The following HAPSTR1 variants were observed in gnomAD, a reference collection of about 807,000 sequenced individuals.
HAPSTR1 encodes HUWE1-associated protein modifying stress responses 1.
the HAPSTR1 span, among the ~76,000 whole-genome samples, chr16:9,092,745 C>T: frequency 2.6e-5 from 4 of 152,210 alleles, no homozygotes; most frequent in Non-Finnish European, 5.9e-5. Flanking sequence ...CCTCCCTGCC[C>T]CCCCGGTCCT....
chr16:9,107,638 C>G, the HAPSTR1 span: 1 of 152,262 alleles, frequency 6.6e-6, no homozygotes, highest in African/African-American at 2.4e-5. Context: ...ATGATCCAGT[C>G]TTAACCATTG....
the HAPSTR1 span, among the ~76,000 whole-genome samples, chr16:9,113,625 T>G: frequency 2.0e-4 from 30 of 152,280 alleles, no homozygotes; most frequent in South Asian, 5.4e-3. Flanking sequence ...TGATTTTAAT[T>G]ATTGAAGTAG....
At chr16:9,101,662 G>C in the HAPSTR1 span, among the ~76,000 whole-genome samples, 13 of 151,196 alleles carry the variant, frequency 8.6e-5, no homozygotes, top group East Asian at 1.4e-3. Flanking sequence ...TTATTATAAA[G>C]TTCTGGTTGT....
the HAPSTR1 span, chr16:9,107,217 C>G: frequency 2.6e-5 from 4 of 152,312 alleles, no homozygotes; most frequent in East Asian, 7.7e-4. Context: ...AGCAGAATGA[C>G]TCATTGAGCC....
chr16:9,093,373 T>A, the HAPSTR1 span, among the ~76,000 whole-genome samples: 99 of 152,306 alleles, frequency 6.5e-4, no homozygotes, highest in Admixed American at 2.2e-3. Context: ...TGAGAAGCGT[T>A]GAGCTGGAAG....
the HAPSTR1 span, among the ~76,000 whole-genome samples, chr16:9,095,857 A>T: frequency 6.6e-6 from 1 of 150,532 alleles, no homozygotes; most frequent in East Asian, 1.9e-4. Context: ...TCCCCTTTCC[A>T]AAAAAGGAAG....
At chr16:9,111,236 A>G in the HAPSTR1 span, 1 of 152,240 alleles carries the variant, frequency 6.6e-6, no homozygotes, top group African/African-American at 2.4e-5. Flanking sequence ...TGAATGTTGC[A>G]GTCTGCATCT....
At chr16:9,113,900 G>A in the HAPSTR1 span, among the ~76,000 whole-genome samples, 44 of 152,260 alleles carry the variant, frequency 2.9e-4, no homozygotes, top group African/African-American at 1.0e-3. Flanking sequence ...TTATTTTCTG[G>A]TGTTGGAGAG....
At chr16:9,098,191 G>T in the HAPSTR1 span, among the ~76,000 whole-genome samples, 278 of 152,254 alleles carry the variant, frequency 1.8e-3, no homozygotes, top group Non-Finnish European at 3.3e-3. Context: ...GATTAACTGG[G>T]CATTGTGGTG....
At chr16:9,116,725 C>A in the HAPSTR1 span, 2 of 1,614,178 alleles carry the variant, frequency 1.2e-6, no homozygotes, top group Non-Finnish European at 1.7e-6. Flanking sequence ...GGCTCTCCTA[C>A]ACATGTAAGC....
the HAPSTR1 span, chr16:9,111,699 A>G: frequency 6.6e-6 from 1 of 152,268 alleles, no homozygotes; most frequent in Non-Finnish European, 1.5e-5. Context: ...AGCAGTTTTG[A>G]TATTCATTCA....
At chr16:9,091,956 C>T in the HAPSTR1 span, 1 of 1,164,892 alleles carries the variant, frequency 8.6e-7, no homozygotes, top group Non-Finnish European at 1.1e-6. Context: ...GCCCTGCCGC[C>T]GGGCCGCTTG....
the HAPSTR1 span, chr16:9,117,018 T>TTAA: frequency 6.7e-7 from 1 of 1,484,618 alleles, no homozygotes; most frequent in Non-Finnish European, 9.1e-7. Context: ...TGTTCACTGT[T>TTAA]TAAGACAAGT....
chr16:9,093,451 A>G, the HAPSTR1 span, among the ~76,000 whole-genome samples: 12 of 152,188 alleles, frequency 7.9e-5, no homozygotes, highest in South Asian at 2.1e-4. Context: ...TTTTTGTACT[A>G]CAGTCGGAAG....
the HAPSTR1 span, among the ~76,000 whole-genome samples, chr16:9,113,627 T>C: frequency 6.6e-6 from 1 of 152,212 alleles, no homozygotes; most frequent in Non-Finnish European, 1.5e-5. Flanking sequence ...ATTTTAATTA[T>C]TGAAGTAGCC....
the HAPSTR1 span, chr16:9,103,765 C>G: frequency 6.4e-6 from 1 of 155,538 alleles, no homozygotes; most frequent in Non-Finnish European, 1.4e-5. Context: ...TGTCGTCCCT[C>G]AGGTCCCTTG....
the HAPSTR1 span, chr16:9,120,177 T>TA: frequency 6.6e-6 from 1 of 152,248 alleles, no homozygotes; most frequent in Admixed American, 6.5e-5. Flanking sequence ...TCTTCAGAGA[T>TA]ACATTCTGGA....
the HAPSTR1 span, chr16:9,116,780 C>T: frequency 6.2e-7 from 1 of 1,614,088 alleles, no homozygotes; most frequent in African/African-American, 1.3e-5. Flanking sequence ...TCCATGATGT[C>T]GATTTGAACA....
At chr16:9,117,204 C>G in the HAPSTR1 span, 21 of 319,662 alleles carry the variant, frequency 6.6e-5, 1 homozygote, top group Middle Eastern at 9.2e-4. Flanking sequence ...GTGACCTTAA[C>G]TGTATTTATT....
Sources: allele counts gnomAD v4.1 joint callset (sites outside exome capture counted in the v4.1 genomes callset), GRCh38; gene constraint gnomAD v4.1.1; transcripts MANE v1.5; gene names NCBI Gene and HGNC (gene_info 2026-07-23, HGNC 2026-07-21).